The following NMS variants were observed in gnomAD, a reference collection of about 807,000 sequenced individuals.
NMS encodes neuromedin S.
In NMS, 30 loss-of-function variants were observed where a neutral mutation model predicts 32.2. The ratio of observed to expected loss-of-function variants is 0.93; its 90% confidence interval spans 0.70 to 1.26. The LOEUF (loss-of-function observed/expected upper bound fraction) is 1.26, where lower values mean the gene tolerates loss of function less well. Among genes scored for constraint, NMS ranks in the 50% most tolerant of loss-of-function variants. The probability of loss-of-function intolerance (pLI) is 0.00; values close to 1 mark genes in which losing one functional copy is unlikely to be tolerated. For synonymous variants in NMS, 76 were observed against 58.5 expected (o/e 1.30, Z -1.37); for missense variants, 190 against 186.3 (o/e 1.02, Z -0.12).
At chr2:100,473,399 T>C in intron 2 of NMS, 90 bp from the exon 3 acceptor site, 1 of 581,514 alleles carries the variant, frequency 1.7e-6, no homozygotes, top group African/African-American at 1.9e-5. Flanking sequence ...CCTTGTTTCT[T>C]CTATCTAATT....
intron 5 of NMS, among the ~76,000 whole-genome samples, chr2:100,477,996 C>T (rs551150666): frequency 6.6e-6 from 1 of 152,198 alleles, no homozygotes. Flanking sequence ...GAGTCTTGCT[C>T]TGTCGCCCAG....
At chr2:100,477,534 G>GC in intron 5 of NMS, 120 bp downstream of exon 5, 1 of 693,374 alleles carries the variant, frequency 1.4e-6, no homozygotes, top group Non-Finnish European at 2.4e-6. Flanking sequence ...CCTCTGGGTA[G>GC]TAGCTTCCCA....
chr2:100,480,579 G>A (rs777111075), intron 7 of NMS, 48 bp downstream of exon 7: 22 of 1,598,250 alleles, frequency 1.4e-5, no homozygotes, highest in South Asian at 3.3e-5. Context: ...AGCCCTACCC[G>A]AGAAGGGTGG....
chr2:100,473,713 TA>T (rs1677049913), intron 3 of NMS, among the ~76,000 whole-genome samples, 174 bp downstream of exon 3: 1 of 151,732 alleles, frequency 6.6e-6, no homozygotes, highest in Admixed American at 6.6e-5. Flanking sequence ...TTAAATATCT[TA>T]AGTATCTTCA....
chr2:100,479,224 T>G, intron 5 of NMS, 129 bp from the exon 6 acceptor site: 1 of 626,734 alleles, frequency 1.6e-6, no homozygotes. Flanking sequence ...CAAAAATGGG[T>G]TTTACTCTGA....
At chr2:100,480,346 CCCA>C (rs1184685067) in intron 6 of NMS, 147 bp from the exon 7 acceptor site, 1 of 732,402 alleles carries the variant, frequency 1.4e-6, no homozygotes, top group African/African-American at 1.8e-5. Flanking sequence ...CGGCAGTGAT[CCCA>C]CCATTTGCCA....
intron 5 of NMS, among the ~76,000 whole-genome samples, chr2:100,478,549 G>A (rs765143639): frequency 9.9e-5 from 15 of 152,048 alleles, no homozygotes; most frequent in Non-Finnish European, 2.1e-4. Context: ...TGCAATCTCC[G>A]CCTCCCGGCT....
chr2:100,472,661 C>A (rs181995079), intron 1 of NMS, 134 bp from the exon 2 acceptor site: 1 of 575,436 alleles, frequency 1.7e-6, no homozygotes, highest in East Asian at 2.9e-5. Context: ...TCTTACTTTC[C>A]CACTGACCTC....
intron 3 of NMS, among the ~76,000 whole-genome samples, chr2:100,475,164 G>C (rs773671219): frequency 6.6e-6 from 1 of 152,144 alleles, no homozygotes; most frequent in Non-Finnish European, 1.5e-5. Flanking sequence ...GAAGAGCAAG[G>C]GGTCACTCAG....
At chr2:100,480,399 C>T (rs1677194573) in intron 6 of NMS, 97 bp from the exon 7 acceptor site, 1 of 1,300,622 alleles carries the variant, frequency 7.7e-7, no homozygotes, top group Admixed American at 1.7e-5. Flanking sequence ...TTCTGACTAT[C>T]TTAGAAGCAA....
Position 100,477,224 on chromosome 2 carries a change from C to T in NMS, c.184-20C>T. ...CCCTGTAAAATTTCATCTAACTTAC[C>T]CTCACAATTCTCTTTCCAGGATAAT... is the stretch of plus-strand genomic sequence containing the variant. On this transcript the variant is annotated intron_variant, in intron 3 of 9. Coordinates refer to ENST00000376865, the MANE Select transcript of NMS (RefSeq NM_001011717.1). 6.2e-7 allele frequency: 1 copy of T among 1,611,390 alleles called. No homozygotes were observed. The highest frequency in any genetic ancestry group is 8.5e-7 in the Non-Finnish European group (1 of 1,177,616).
intron 3 of NMS, 36 bp from the exon 4 acceptor site, chr2:100,477,208 A>C: frequency 1.9e-6 from 3 of 1,602,248 alleles, no homozygotes; most frequent in Non-Finnish European, 2.6e-6. Context: ...CCCCTGTAAA[A>C]TTTCATCTAA....
At chr2:100,479,310 G>C in intron 5 of NMS, 43 bp from the exon 6 acceptor site, 1 of 1,465,514 alleles carries the variant, frequency 6.8e-7, no homozygotes, top group Non-Finnish European at 9.4e-7. Context: ...ACCCCTCTGT[G>C]GATGTCCCCC....
Position 100,482,289 on chromosome 2 carries a change from A to G in NMS, c.427A>G (p.Arg143Gly). 6.2e-7 allele frequency: 1 copy of G among 1,614,076 alleles called. No individual in the cohort carries two copies. Among genetic ancestry groups the G allele is most frequent in the Non-Finnish European group, 8.5e-7 (1 of 1,179,940 alleles). The change falls in exon 9 of 10, where the codon AGA becomes GGA. Residue 143 changes from arginine (R) to glycine (G), a missense_variant. By Grantham distance (125) the Arg-to-Gly change is moderately radical (BLOSUM62 -2). Coordinates refer to ENST00000376865, the MANE Select transcript of NMS (RefSeq NM_001011717.1). ...CTTTTTTTTTCAGCCCAGGAATGGA[A>G]GAAACATTGAAGATGAGGCCCAGTA... ...PFFLFRPRNG[R>G]NIEDEAQIQW is the part of the protein sequence containing the mutation.
intron 2 of NMS, among the ~76,000 whole-genome samples, chr2:100,473,288 T>C (rs1050068070): frequency 3.3e-5 from 5 of 152,290 alleles, no homozygotes; most frequent in Admixed American, 1.3e-4. Context: ...ACATTTTCTT[T>C]ATGCTGGGAG....
chr2:100,474,022 A>G lies in NMS; in HGVS notation c.183+483A>G, dbSNP rs545802916. Among the ~76,000 whole-genome samples, 68 of 152,118 alleles carry G rather than the reference A, an allele frequency of 4.5e-4. 1 individual carries two copies. The highest frequency in any genetic ancestry group is 8.3e-4 in the South Asian group (4 of 4,830). The stretch of plus-strand genomic sequence containing the variant: ...GTGAAACCATGTCTCTACTAAAACT[A>G]CAAAAATTAGCCGGGCAAGGTGGCG... On this transcript the variant is annotated intron_variant, in intron 3 of 9. Transcript: ENST00000376865.
rs1034631093 is a variant in NMS at position 100,479,274 on chromosome 2, T to C, written c.262-79T>C. ...TGTAAGGGAAGTGAGTAGAAAGAAA[T>C]GCGCATAGCCCTGGGCTCTCAAAAT... On this transcript the variant is annotated intron_variant, in intron 5 of 9. Coordinates refer to ENST00000376865, the MANE Select transcript of NMS (RefSeq NM_001011717.1). The C allele has an allele frequency of 4.1e-6, 4 of 971,202 alleles. No homozygotes were observed. In the African/African-American group the frequency reaches 5.0e-5, roughly 12 times the overall value. The allele number at this position is 971,202 out of a possible 1,614,324, so 60.2% of individuals were successfully genotyped here.
At chr2:100,482,701 T>C (rs899272584) in intron 9 of NMS, among the ~76,000 whole-genome samples, 1 of 152,180 alleles carries the variant, frequency 6.6e-6, no homozygotes, top group Non-Finnish European at 1.5e-5. Flanking sequence ...CAAGGAGTTC[T>C]GGAAGCTACC....
At position 100,470,673 on chromosome 2, in the gene NMS, G is replaced by T. The variant is rs1676991829; in HGVS notation, c.76+109G>T. On this transcript the variant is annotated intron_variant, in intron 1 of 9. Coordinates refer to ENST00000376865, the MANE Select transcript of NMS (RefSeq NM_001011717.1). ...AGGGAGTCAAGCTTTATTCTCCCCC[G>T]CCAGACCTTCTTGATTTCTGGCTGC... The T allele has an allele frequency of 3.5e-6, 3 of 852,216 alleles. No homozygotes were observed. In the Admixed American group the frequency reaches 5.4e-5, roughly 15 times the overall value. 52.8% of individuals were successfully genotyped at this position (852,216 alleles called of 1,614,324 possible).
Sources: allele counts gnomAD v4.1 joint callset (sites outside exome capture counted in the v4.1 genomes callset), GRCh38; gene constraint gnomAD v4.1.1; transcripts MANE v1.5; gene names NCBI Gene and HGNC (gene_info 2026-07-23, HGNC 2026-07-21).